Variants in ZFHX3 observed in about 807,000 individuals in gnomAD.
ZFHX3 encodes the protein zinc finger homeobox 3, also known as zinc finger homeobox protein 3.
In ZFHX3, 42 loss-of-function variants were observed where a neutral mutation model predicts 279.1. That is an observed-to-expected ratio of 0.15 (90% CI 0.12 to 0.19). The LOEUF is 0.19. ZFHX3 is among the 10% of genes least tolerant of loss of function. The pLI is 1.00. For missense variants in ZFHX3, 4,981 were observed against 4,754.0 expected, an observed-to-expected ratio of 1.05 and a Z score of -1.40; for synonymous variants, 2,293 against 1,957.8, an observed-to-expected ratio of 1.17 and a Z score of -4.52.
chr16:73,653,677 C>A (rs1014441116), intron 2 of ZFHX3, among the ~76,000 whole-genome samples: 57 of 151,794 alleles, frequency 3.8e-4, no homozygotes, highest in South Asian at 4.2e-4. Context: ...AGAAAAAAAA[C>A]CCACCCAAAA....
chr16:73,097,837 C>T (rs1381248523), intron 7 of ZFHX3, among the ~76,000 whole-genome samples: 1 of 152,176 alleles, frequency 6.6e-6, no homozygotes, highest in African/African-American at 2.4e-5. Flanking sequence ...CAATATTTGT[C>T]CCTTTGTATC....
At chr16:73,186,421 T>G (rs957719208) in intron 5 of ZFHX3, among the ~76,000 whole-genome samples, 1 of 152,022 alleles carries the variant, frequency 6.6e-6, no homozygotes. Context: ...ATATGGACAA[T>G]AGCATTTGCC....
chr16:72,915,489 G>A (rs985735003), intron 3 of ZFHX3, among the ~76,000 whole-genome samples: 7 of 152,262 alleles, frequency 4.6e-5, no homozygotes, highest in East Asian at 1.9e-4. Flanking sequence ...CTGAGGCTAC[G>A]TGCAGTGGCT....
intron 1 of ZFHX3, among the ~76,000 whole-genome samples, chr16:73,815,270 G>C (rs1272333895): frequency 2.0e-5 from 3 of 152,154 alleles, no homozygotes. Context: ...CTTCCAAACA[G>C]AGTAGGTGTT....
rs145431270 is a variant in ZFHX3 at position 73,286,648 on chromosome 16, T to A, written c.-1193-29512A>T. On this transcript the variant is annotated intron_variant, in intron 4 of 17. Coordinates refer to the ZFHX3 transcript ENST00000641206. ...GGGTCTGTGTGTAGCTGTGTGGGTG[T>A]ATAGGTTTGTGTGTGGCTGTGTGGA... Among the ~76,000 whole-genome samples, 642 of 149,770 alleles carry A rather than the reference T, an allele frequency of 4.3e-3. 4 individuals are homozygous for A. The highest frequency in any genetic ancestry group is 0.015 in the African/African-American group (605 of 40,544).
intron 2 of ZFHX3, among the ~76,000 whole-genome samples, chr16:73,515,389 G>C (rs995046736): frequency 9.9e-5 from 15 of 152,124 alleles, no homozygotes; most frequent in African/African-American, 3.4e-4. Flanking sequence ...ATGTGGTAGG[G>C]CTTAAACTAG....
intron 1 of ZFHX3, among the ~76,000 whole-genome samples, chr16:73,002,177 C>T (rs992063889): frequency 4.4e-4 from 67 of 152,274 alleles, no homozygotes; most frequent in African/African-American, 1.5e-3. Flanking sequence ...ACTCAAACCC[C>T]CGCCAGGATA....
chr16:73,865,526 T>C (rs1488716618), intron 1 of ZFHX3, among the ~76,000 whole-genome samples: 2 of 152,214 alleles, frequency 1.3e-5, no homozygotes, highest in African/African-American at 2.4e-5. Flanking sequence ...ATATTCTAGA[T>C]AGTTTCTTGG....
chr16:73,093,409 G>T, exon 8 of ZFHX3: 5 of 460,548 alleles, frequency 1.1e-5, no homozygotes, highest in Non-Finnish European at 2.2e-5. Context: ...AACCACAGCT[G>T]ATCACTTTGG....
intron 7 of ZFHX3, among the ~76,000 whole-genome samples, chr16:72,800,490 A>G (rs759601725): frequency 2.6e-5 from 4 of 152,224 alleles, no homozygotes; most frequent in Non-Finnish European, 5.9e-5. Context: ...TAAGCTGCTG[A>G]AAACATAATA....
At chr16:73,525,422 C>A (rs1293926153) in intron 2 of ZFHX3, among the ~76,000 whole-genome samples, 1 of 152,134 alleles carries the variant, frequency 6.6e-6, no homozygotes, top group East Asian at 1.9e-4. Flanking sequence ...GCAAACTCAA[C>A]CCTATCTAAT....
chr16:73,268,310 G>C (rs2014037931), intron 4 of ZFHX3, among the ~76,000 whole-genome samples: 2 of 152,148 alleles, frequency 1.3e-5, no homozygotes, highest in East Asian at 3.9e-4. Context: ...TTAGAATGTG[G>C]TGCACTATTC....
At chr16:72,870,716 T>TAAA (rs1243810680) in intron 4 of ZFHX3, among the ~76,000 whole-genome samples, 1 of 34,202 alleles carries the variant, frequency 2.9e-5, no homozygotes, top group African/African-American at 2.1e-4. Context: ...AGACTCTGTC[T>TAAA]CAAAAAAAAA....
At chr16:73,391,203 C>T (rs897620307) in intron 3 of ZFHX3, among the ~76,000 whole-genome samples, 5 of 152,102 alleles carry the variant, frequency 3.3e-5, no homozygotes, top group African/African-American at 4.8e-5. Flanking sequence ...TGGCCAGACG[C>T]GGTGGCTCAT....
At chr16:73,691,320 G>A (rs1486228778) in intron 1 of ZFHX3, among the ~76,000 whole-genome samples, 1 of 152,044 alleles carries the variant, frequency 6.6e-6, no homozygotes, top group Non-Finnish European at 1.5e-5. Context: ...TTAAGATTTG[G>A]CAAAAAGAAA....
chr16:73,764,677 G>A lies in ZFHX3; in HGVS notation c.-1607-84437C>T, dbSNP rs1165421169. Among the ~76,000 whole-genome samples, 3 of 152,210 alleles carry A rather than the reference G, an allele frequency of 2.0e-5. No individual in the cohort carries two copies. In the East Asian group the frequency reaches 5.8e-4, roughly 29 times the overall value. On this transcript the variant is annotated intron_variant, in intron 1 of 17. Transcript: ENST00000641206. ...TATAGGATGCTTGGCCAAAATGAAGGTATAGAAAAGGAACAACCAAAGAAA... is the reference window on the plus strand; with the variant it reads ...TATAGGATGCTTGGCCAAAATGAAGATATAGAAAAGGAACAACCAAAGAAA...
intron 2 of ZFHX3, among the ~76,000 whole-genome samples, chr16:73,459,362 G>T (rs560394160): frequency 1.4e-4 from 22 of 152,002 alleles, no homozygotes; most frequent in African/African-American, 5.3e-4. Context: ...TCTTTTTGTT[G>T]TTGTTTTTTT....
At chr16:72,905,774 T>C (rs756783272) in intron 3 of ZFHX3, among the ~76,000 whole-genome samples, 3 of 152,224 alleles carry the variant, frequency 2.0e-5, no homozygotes, top group Non-Finnish European at 2.9e-5. Flanking sequence ...CAGGCATTCC[T>C]AGAACATAAG....
intron 1 of ZFHX3, among the ~76,000 whole-genome samples, chr16:73,021,535 T>G (rs977499732): frequency 3.3e-5 from 5 of 152,162 alleles, no homozygotes; most frequent in Non-Finnish European, 5.9e-5. Context: ...GGGTAGGCCT[T>G]AAATCAATGA....
Sources: gnomAD v4.1 joint callset for allele counts (sites outside exome capture counted in the v4.1 genomes callset) on GRCh38, gnomAD v4.1.1 for gene constraint, MANE v1.5 for transcripts, NCBI Gene and HGNC (gene_info 2026-07-23, HGNC 2026-07-21) for gene names.